The following TCF7L2 variants were observed in gnomAD, a reference collection of about 807,000 sequenced individuals.
TCF7L2 encodes the protein transcription factor 7 like 2, also known as transcription factor 7-like 2.
In TCF7L2, 23 loss-of-function variants were observed where a neutral mutation model predicts 77.9. The ratio of observed to expected loss-of-function variants is 0.30; its 90% CI spans 0.21 to 0.42. The LOEUF (loss-of-function observed/expected upper bound fraction) is 0.42. Ranked by LOEUF, TCF7L2 falls within the 10% of genes least tolerant of loss-of-function variation. TCF7L2 has a pLI of 1.00. For synonymous variants in TCF7L2, 413 were observed against 340.2 expected, an observed-to-expected ratio of 1.21 and a Z score of -2.36; for missense variants, 654 against 793.1, an observed-to-expected ratio of 0.82 and a Z score of 2.11.
chr10:113,090,179 G>GA (rs1482469423), intron 5 of TCF7L2, among the ~76,000 whole-genome samples: 2 of 151,960 alleles, frequency 1.3e-5, no homozygotes, highest in African/African-American at 4.8e-5. Flanking sequence ...TAGTCCTGAA[G>GA]AAAAAATAAC....
intron 6 of TCF7L2, among the ~76,000 whole-genome samples, chr10:113,142,974 TA>T (rs2068648143): frequency 6.6e-6 from 1 of 152,248 alleles, no homozygotes; most frequent in East Asian, 1.9e-4. Flanking sequence ...ATTTACAGAT[TA>T]AAAGCTTCCT....
intron 5 of TCF7L2, among the ~76,000 whole-genome samples, chr10:113,134,657 G>A (rs888273730): frequency 1.2e-4 from 19 of 152,166 alleles, no homozygotes; most frequent in Admixed American, 3.9e-4. Flanking sequence ...ACGTTTTAGC[G>A]GTTGCCATTG....
chr10:113,056,088 C>T (rs1162266812), intron 5 of TCF7L2, among the ~76,000 whole-genome samples: 3 of 152,172 alleles, frequency 2.0e-5, no homozygotes, highest in East Asian at 1.9e-4. Context: ...CACATACAGC[C>T]GAGATCCTGG....
chr10:112,995,618 T>C (rs2043325046), intron 4 of TCF7L2, among the ~76,000 whole-genome samples: 1 of 152,184 alleles, frequency 6.6e-6, no homozygotes, highest in Non-Finnish European at 1.5e-5. Context: ...ACCTTTCACC[T>C]GGGCTATTCT....
At chr10:113,106,242 T>G (rs1275154570) in intron 5 of TCF7L2, among the ~76,000 whole-genome samples, 1 of 152,178 alleles carries the variant, frequency 6.6e-6, no homozygotes, top group Non-Finnish European at 1.5e-5. Context: ...GAGAGCAGAC[T>G]GATAACTCTA....
chr10:113,087,521 C>A (rs1293845301), intron 5 of TCF7L2, among the ~76,000 whole-genome samples: 1 of 152,218 alleles, frequency 6.6e-6, no homozygotes, highest in Non-Finnish European at 1.5e-5. Context: ...TAAAATTGGG[C>A]TGATCTTTCA....
chr10:112,979,062 G>A (rs1341142188), intron 4 of TCF7L2, among the ~76,000 whole-genome samples: 3 of 152,156 alleles, frequency 2.0e-5, no homozygotes, highest in Non-Finnish European at 2.9e-5. Flanking sequence ...GGGAGGAGGT[G>A]CTAAAGCCCC....
intron 5 of TCF7L2, among the ~76,000 whole-genome samples, chr10:113,122,658 A>G (rs1325471273): frequency 2.0e-5 from 3 of 152,212 alleles, no homozygotes; most frequent in Non-Finnish European, 4.4e-5. Flanking sequence ...CCACATGTAA[A>G]AAAGAGGCTA....
intron 4 of TCF7L2, among the ~76,000 whole-genome samples, chr10:113,024,219 A>C (rs965849463): frequency 6.6e-6 from 1 of 151,996 alleles, no homozygotes; most frequent in Non-Finnish European, 1.5e-5. Flanking sequence ...AATGGCTTGA[A>C]CCTGGGAGGC....
chr10:112,983,819 G>A (rs189153719), intron 4 of TCF7L2, among the ~76,000 whole-genome samples: 1 of 152,298 alleles, frequency 6.6e-6, no homozygotes, highest in Admixed American at 6.5e-5. Flanking sequence ...ACACAGCATA[G>A]GTCAGCTTGT....
intron 13 of TCF7L2, chr10:113,161,665 C>A (rs1307418676): frequency 6.6e-7 from 1 of 1,518,274 alleles, no homozygotes; most frequent in African/African-American, 1.4e-5. Flanking sequence ...GTCACGTGTC[C>A]CTCCCCTTCA....
At chr10:112,984,362 G>A (rs1302466578) in intron 4 of TCF7L2, among the ~76,000 whole-genome samples, 1 of 152,032 alleles carries the variant, frequency 6.6e-6, no homozygotes, top group African/African-American at 2.4e-5. Context: ...AGTGGCCTTA[G>A]GCTGCGGAAG....
At chr10:112,977,930 G>T (rs1444550051) in intron 4 of TCF7L2, among the ~76,000 whole-genome samples, 1 of 152,192 alleles carries the variant, frequency 6.6e-6, no homozygotes, top group African/African-American at 2.4e-5. Flanking sequence ...GCAGAAAGGA[G>T]AGGAGTTGTT....
In TCF7L2 at chr10:112,978,469, A is replaced by ATT. The variant is rs546493150; in HGVS notation, c.450+13858_450+13859dup. ...GGCTTTCATTCCCAGGAATTTTGTG[A>ATT]TTTTTTTTTTTTTTGAGACGGAGTC... On this transcript the variant is annotated intron_variant, in intron 4 of 13. Coordinates refer to ENST00000627217, the MANE Select transcript of TCF7L2 (RefSeq NM_001146274.2). 6.4e-5 allele frequency among the ~76,000 whole-genome samples: 9 copies of ATT among 141,528 alleles called. No homozygotes were observed. The South Asian group carries it at 9.0e-4, about 14-fold the overall frequency. The allele number at this position is 141,528 out of a possible 152,430, so 92.8% of individuals were successfully genotyped here. A position where few individuals can be genotyped will look rare whatever the true frequency, so the allele number is the denominator to read the frequency against.
intron 5 of TCF7L2, among the ~76,000 whole-genome samples, chr10:113,062,751 A>G (rs2056666780): frequency 1.3e-5 from 2 of 152,280 alleles, no homozygotes; most frequent in South Asian, 4.1e-4. Flanking sequence ...TTGAACCTGG[A>G]GGTCAGGGCT....
intron 5 of TCF7L2, among the ~76,000 whole-genome samples, chr10:113,107,740 C>T (rs1327901483): frequency 2.7e-5 from 3 of 109,146 alleles, no homozygotes; most frequent in African/African-American, 7.2e-5. Flanking sequence ...GGCGACCGAG[C>T]GAGACTCCGT....
At chr10:113,028,293 C>G (rs2049565979) in intron 4 of TCF7L2, among the ~76,000 whole-genome samples, 1 of 152,136 alleles carries the variant, frequency 6.6e-6, no homozygotes, top group Non-Finnish European at 1.5e-5. Flanking sequence ...CTGCTTCTGG[C>G]TGAGGCAGCA....
chr10:113,130,109 A>G (rs550085656), intron 5 of TCF7L2: 3 of 819,632 alleles, frequency 3.7e-6, no homozygotes, highest in East Asian at 1.1e-4. Flanking sequence ...ATGGGAAGGA[A>G]AAAACAAAAC....
intron 4 of TCF7L2, among the ~76,000 whole-genome samples, chr10:112,979,643 G>A (rs145056816): frequency 2.0e-5 from 3 of 151,842 alleles, no homozygotes; most frequent in Non-Finnish European, 4.4e-5. Flanking sequence ...CTGTAATTCC[G>A]GCTACTGGGG....
Sources: allele counts gnomAD v4.1 joint callset (sites outside exome capture counted in the v4.1 genomes callset), GRCh38; gene constraint gnomAD v4.1.1; transcripts MANE v1.5; gene names NCBI Gene and HGNC (gene_info 2026-07-23, HGNC 2026-07-21).